Variants in FBXO11 observed in about 807,000 individuals in gnomAD.
The protein encoded by FBXO11 is F-box protein 11, also known as F-box only protein 11.
A neutral mutation model predicts 117.0 loss-of-function variants in FBXO11; 13 were observed. The observed-to-expected ratio is 0.11, with a 90% CI of 0.07 to 0.18. The LOEUF (loss-of-function observed/expected upper bound fraction) is 0.18, where lower values mean the gene tolerates loss of function less well. Among genes scored for constraint, FBXO11 ranks in the 10% least tolerant of loss-of-function variants. The pLI is 1.00. For synonymous variants in FBXO11, 490 were observed against 380.5 expected (o/e 1.29, Z -3.35); for missense variants, 767 against 1,164.4 (o/e 0.66, Z 4.97).
At chr2:47,860,843 ATTT>A (rs34675496) in intron 1 of FBXO11, among the ~76,000 whole-genome samples, 11 of 104,226 alleles carry the variant, frequency 1.1e-4, no homozygotes, top group Non-Finnish European at 1.3e-4. Flanking sequence ...GTTTTCCCCT[ATTT>A]TTTTTTTTTT....
chr2:47,819,106 A>C, intron 14 of FBXO11, 28 bp from the exon 15 acceptor site: 1 of 1,606,644 alleles, frequency 6.2e-7, no homozygotes, highest in Non-Finnish European at 8.5e-7. Flanking sequence ...TGGTTATAAT[A>C]TTTATCTTCT....
intron 4 of FBXO11, among the ~76,000 whole-genome samples, chr2:47,837,451 CG>C (rs1282427898): frequency 6.6e-6 from 1 of 152,146 alleles, no homozygotes; most frequent in Non-Finnish European, 1.5e-5. Context: ...TGCTTGAACC[CG>C]GGAGGCAGAG....
chr2:47,874,601 C>T (rs1281588497), intron 1 of FBXO11, among the ~76,000 whole-genome samples: 5 of 152,136 alleles, frequency 3.3e-5, no homozygotes, highest in Non-Finnish European at 7.3e-5. Context: ...GTGGTGCAAT[C>T]TCAGCTCACT....
Position 47,807,694 on chromosome 2 carries a change from GA to G in FBXO11, c.*423del, listed in dbSNP as rs1670320908. ...AAAAAAAAAAATCAAAAGGAACGCAGAAGTGCTAGCTCACATTTTTACCATA... is the reference window on the plus strand; with the variant it reads ...AAAAAAAAAAATCAAAAGGAACGCAGAGTGCTAGCTCACATTTTTACCATA... On this transcript the variant is annotated 3_prime_UTR_variant, in exon 23 of 23. Transcript: ENST00000403359. The G allele has an allele frequency of 1.3e-5, 3 of 231,362 alleles. No individual in the cohort carries two copies. In the East Asian group the frequency reaches 1.9e-4, roughly 15 times the overall value. The allele number at this position is 231,362 out of a possible 1,614,324, so 14.3% of individuals were successfully genotyped here. A position where few individuals can be genotyped will look rare whatever the true frequency, so the allele number is the denominator to read the frequency against.
At chr2:47,857,606 G>A (rs558640414) in intron 1 of FBXO11, among the ~76,000 whole-genome samples, 2 of 152,260 alleles carry the variant, frequency 1.3e-5, no homozygotes, top group African/African-American at 2.4e-5. Context: ...CAGGGATAGG[G>A]ATGTGGTTTA....
chr2:47,852,539 T>C (rs1186039753), intron 1 of FBXO11, among the ~76,000 whole-genome samples: 3 of 152,192 alleles, frequency 2.0e-5, no homozygotes, highest in African/African-American at 7.2e-5. Context: ...AGAAAGCCAA[T>C]AAATGGTAGC....
intron 1 of FBXO11, among the ~76,000 whole-genome samples, chr2:47,896,045 T>C (rs569190558): frequency 2.0e-5 from 3 of 152,350 alleles, no homozygotes; most frequent in East Asian, 3.9e-4. Context: ...TTAAAAACTA[T>C]AGACTGTTTC....
intron 1 of FBXO11, among the ~76,000 whole-genome samples, chr2:47,864,311 G>C (rs578183480): frequency 6.6e-6 from 1 of 152,222 alleles, no homozygotes; most frequent in Non-Finnish European, 1.5e-5. Context: ...GAATTGGCTG[G>C]GCGTGGTGGC....
At chr2:47,837,965 C>A (rs1672717749) in intron 4 of FBXO11, among the ~76,000 whole-genome samples, 1 of 151,526 alleles carries the variant, frequency 6.6e-6, no homozygotes, top group Non-Finnish European at 1.5e-5. Flanking sequence ...ATGGCTCATG[C>A]CTATAATCCC....
chr2:47,822,850 T>C (rs1406922694), intron 12 of FBXO11, among the ~76,000 whole-genome samples: 2 of 152,206 alleles, frequency 1.3e-5, no homozygotes, highest in Non-Finnish European at 2.9e-5. Flanking sequence ...AACAGTCCTA[T>C]TTACTCATCT....
rs1001152794 is a variant in FBXO11, at chr2:47,899,266, T to C, written c.232+6223A>G. Among the ~76,000 whole-genome samples the C allele has an allele frequency of 8.9e-5, 10 of 112,012 alleles. No homozygotes were observed. In the East Asian group the frequency reaches 2.3e-3, roughly 26 times the overall value. 73.5% of individuals were successfully genotyped at this position (112,012 alleles called of 152,430 possible). A position where few individuals can be genotyped will look rare whatever the true frequency, so the allele number is the denominator to read the frequency against. ...TCCAGCCTGGGCGACAGAGCAAGAC[T>C]CCGTCTCAAAAAAAAAAAAAAAAAA... On this transcript the variant is annotated intron_variant, in intron 1 of 22. Coordinates refer to ENST00000403359, the MANE Select transcript of FBXO11 (RefSeq NM_001190274.2).
At chr2:47,868,594 T>C (rs72811509) in intron 1 of FBXO11, among the ~76,000 whole-genome samples, 244 of 152,332 alleles carry the variant, frequency 1.6e-3, no homozygotes, top group Non-Finnish European at 2.8e-3. Flanking sequence ...TTCCATATTT[T>C]TGTTTTAAAA....
intron 1 of FBXO11, among the ~76,000 whole-genome samples, chr2:47,844,607 AAAGTT>A (rs1673267252): frequency 1.3e-5 from 2 of 152,028 alleles, no homozygotes; most frequent in Non-Finnish European, 2.9e-5. Flanking sequence ...TCCTTCCTTA[AAAGTT>A]TAGTTATATG....
Sources: allele counts gnomAD v4.1 joint callset (sites outside exome capture counted in the v4.1 genomes callset), GRCh38; gene constraint gnomAD v4.1.1; transcripts MANE v1.5; gene names NCBI Gene and HGNC (gene_info 2026-07-23, HGNC 2026-07-21).